Variants in UST observed in about 807,000 individuals in gnomAD.
UST encodes the protein chondroitin sulfate 2-O-sulfotransferase.
Under a neutral mutation model 45.6 loss-of-function variants are expected in UST, and 21 were observed. The ratio of observed to expected loss-of-function variants is 0.46; its 90% CI spans 0.33 to 0.66. The LOEUF (loss-of-function observed/expected upper bound fraction) is 0.66, where lower values mean the gene tolerates loss of function less well. Ranked by LOEUF, UST falls within the 30% of genes least tolerant of loss-of-function variation. The probability of loss-of-function intolerance (pLI) is 0.02; values close to 1 mark genes in which losing one functional copy is unlikely to be tolerated. For synonymous variants in UST, 215 were observed against 200.6 expected (o/e 1.07, Z -0.61); for missense variants, 463 against 512.4 (o/e 0.90, Z 0.93).
At chr6:148,949,292 AAATAATAAT>A (rs56946786) in intron 3 of UST, among the ~76,000 whole-genome samples, 3,748 of 141,314 alleles carry the variant, frequency 0.027, 61 homozygotes, top group Middle Eastern at 0.032. Flanking sequence ...CTTCGTCTCA[AAATAATAAT>A]AATAATAATA....
At chr6:148,918,974 G>T (rs1320874844) in intron 2 of UST, among the ~76,000 whole-genome samples, 1 of 152,036 alleles carries the variant, frequency 6.6e-6, no homozygotes, top group African/African-American at 2.4e-5. Flanking sequence ...TATTTCTATT[G>T]TCCAGCTTTT....
At chr6:148,941,113 T>C (rs1265059497) in intron 2 of UST, among the ~76,000 whole-genome samples, 166 bp from the exon 3 acceptor site, 1 of 152,234 alleles carries the variant, frequency 6.6e-6, no homozygotes, top group Non-Finnish European at 1.5e-5. Context: ...ATAAATATAG[T>C]TTATCACTTC....
At chr6:148,759,750 A>G (rs1290228823) in intron 1 of UST, among the ~76,000 whole-genome samples, 1 of 145,268 alleles carries the variant, frequency 6.9e-6, no homozygotes, top group African/African-American at 2.5e-5. Context: ...CGGGAGGCTG[A>G]GGCAGGAGAA....
chr6:148,958,784 A>G (rs1302897616), intron 4 of UST, among the ~76,000 whole-genome samples: 1 of 152,136 alleles, frequency 6.6e-6, no homozygotes, highest in Non-Finnish European at 1.5e-5. Flanking sequence ...TATTTTTGCA[A>G]TCTACAATGC....
At chr6:148,837,899 C>T (rs1017906386) in intron 1 of UST, among the ~76,000 whole-genome samples, 13 of 152,214 alleles carry the variant, frequency 8.5e-5, no homozygotes, top group Admixed American at 1.3e-4. Flanking sequence ...GACGGGGTTT[C>T]GCCATGTTGC....
chr6:148,903,681 C>CT (rs11409934), intron 2 of UST, among the ~76,000 whole-genome samples: 147,149 of 152,286 alleles, frequency 0.97, 71,204 homozygotes, highest in African/African-American at 0.99. Flanking sequence ...TACTGGTGAC[C>CT]GGAAGAGGAA....
At chr6:149,061,511 C>T (rs116288274) in intron 7 of UST, among the ~76,000 whole-genome samples, 2,315 of 150,976 alleles carry the variant, frequency 0.015, 67 homozygotes, top group African/African-American at 0.054. Flanking sequence ...AGGTTACTGG[C>T]GAGTGATATT....
chr6:148,972,150 A>G (rs1780930011), intron 5 of UST, among the ~76,000 whole-genome samples: 1 of 152,224 alleles, frequency 6.6e-6, no homozygotes, highest in African/African-American at 2.4e-5. Context: ...TATTAATAAT[A>G]GCTCAGTGCA....
chr6:148,838,162 G>C (rs1777824658), intron 1 of UST, among the ~76,000 whole-genome samples: 1 of 152,220 alleles, frequency 6.6e-6, no homozygotes, highest in Non-Finnish European at 1.5e-5. Flanking sequence ...ACCAGGTCAG[G>C]CCACTCTCAG....
At chr6:148,860,885 G>A (rs1242104096) in intron 1 of UST, among the ~76,000 whole-genome samples, 2 of 152,136 alleles carry the variant, frequency 1.3e-5, no homozygotes, top group African/African-American at 4.8e-5. Context: ...AGGTGCTGTT[G>A]GATTTGGTTT....
chr6:148,753,743 G>A (rs1484343906), intron 1 of UST, among the ~76,000 whole-genome samples: 1 of 152,074 alleles, frequency 6.6e-6, no homozygotes, highest in Non-Finnish European at 1.5e-5. Flanking sequence ...AGTTATTGAG[G>A]AACTGCCAAG....
chr6:149,062,428 C>T lies in UST; in HGVS notation c.938-11405C>T, dbSNP rs543101785. On this transcript the variant is annotated intron_variant, in intron 7 of 7. Transcript: ENST00000367463. ...AAAATACAGGTTTCAAATCAACAAA[C>T]ATTTATGGAGGGTGGTTAGGTGCCA... Among the ~76,000 whole-genome samples, 80 of 152,304 alleles carry T rather than the reference C, an allele frequency of 5.3e-4. 1 individual carries two copies. The highest frequency in any genetic ancestry group is 9.4e-4 in the Non-Finnish European group (64 of 68,032).
chr6:148,987,717 C>T (rs1781263759), intron 5 of UST, among the ~76,000 whole-genome samples: 2 of 152,106 alleles, frequency 1.3e-5, no homozygotes, highest in African/African-American at 2.4e-5. Flanking sequence ...CAGGACCCAC[C>T]GTGTGACAGG....
At chr6:148,772,312 G>T (rs1776444812) in intron 1 of UST, among the ~76,000 whole-genome samples, 1 of 152,132 alleles carries the variant, frequency 6.6e-6, no homozygotes, top group Non-Finnish European at 1.5e-5. Flanking sequence ...AATCGCACTG[G>T]GTGGGTGATT....
chr6:148,902,397 T>A (rs1248089174), intron 2 of UST, among the ~76,000 whole-genome samples: 2 of 151,850 alleles, frequency 1.3e-5, no homozygotes, highest in Non-Finnish European at 2.9e-5. Context: ...TGGCTAATTT[T>A]TTTTTTTTTT....
intron 7 of UST, among the ~76,000 whole-genome samples, chr6:149,068,553 C>T (rs982691331): frequency 1.1e-4 from 17 of 152,204 alleles, no homozygotes; most frequent in Non-Finnish European, 1.5e-4. Context: ...GTTAACTAAT[C>T]GTGCAAATAT....
intron 7 of UST, among the ~76,000 whole-genome samples, chr6:149,034,644 G>A (rs1776203252): frequency 6.6e-6 from 1 of 151,978 alleles, no homozygotes; most frequent in Non-Finnish European, 1.5e-5. Flanking sequence ...TTTCTCAGTT[G>A]GGTCCAGTTT....
At chr6:148,930,392 A>C (rs907721159) in intron 2 of UST, among the ~76,000 whole-genome samples, 2 of 152,224 alleles carry the variant, frequency 1.3e-5, no homozygotes, top group Non-Finnish European at 2.9e-5. Flanking sequence ...CCCTGCAGTC[A>C]TGGAGTTTAA....
At chr6:148,959,470 C>T (rs548062459) in intron 4 of UST, among the ~76,000 whole-genome samples, 2 of 152,172 alleles carry the variant, frequency 1.3e-5, no homozygotes, top group African/African-American at 2.4e-5. Context: ...TTTACAAGTG[C>T]GAGTTTTCTC....
Sources: gnomAD v4.1 joint callset for allele counts (sites outside exome capture counted in the v4.1 genomes callset) on GRCh38, gnomAD v4.1.1 for gene constraint, MANE v1.5 for transcripts, NCBI Gene and HGNC (gene_info 2026-07-23, HGNC 2026-07-21) for gene names.